The following ROBO1 variants were observed in gnomAD, a reference collection of about 807,000 sequenced individuals.
ROBO1 encodes the protein roundabout guidance receptor 1, also known as roundabout homolog 1.
In ROBO1, 149 loss-of-function variants were observed where a neutral mutation model predicts 195.9. The observed-to-expected ratio is 0.76, with a 90% CI of 0.67 to 0.87. The LOEUF (loss-of-function observed/expected upper bound fraction) is 0.87, where lower values mean the gene tolerates loss of function less well. Ranked by LOEUF, ROBO1 falls within the 40% of genes least tolerant of loss-of-function variation. The pLI is 0.00. For synonymous variants in ROBO1, 816 were observed against 733.2 expected (o/e 1.11, Z -1.82); for missense variants, 1,933 against 2,068.3 (o/e 0.93, Z 1.27).
At chr3:79,268,968 A>G (rs1403369849) in intron 2 of ROBO1, among the ~76,000 whole-genome samples, 1 of 151,754 alleles carries the variant, frequency 6.6e-6, no homozygotes, top group East Asian at 1.9e-4. Flanking sequence ...CCTTATCATT[A>G]TAGAATGAAT....
At chr3:79,062,159 AAAAC>A (rs1559631521) in intron 3 of ROBO1, among the ~76,000 whole-genome samples, 1 of 151,764 alleles carries the variant, frequency 6.6e-6, no homozygotes, top group African/African-American at 2.4e-5. Flanking sequence ...AACGAGAAAA[AAAAC>A]AAACCCATCA....
chr3:78,821,627 T>G (rs2108681268), intron 4 of ROBO1, among the ~76,000 whole-genome samples: 1 of 152,302 alleles, frequency 6.6e-6, no homozygotes, highest in African/African-American at 2.4e-5. Flanking sequence ...GTTTATAAAT[T>G]AATTGTCAAC....
At chr3:79,546,795 AC>A (rs1576002593) in intron 2 of ROBO1, among the ~76,000 whole-genome samples, 2 of 152,180 alleles carry the variant, frequency 1.3e-5, no homozygotes, top group East Asian at 3.9e-4. Context: ...ATAAATACTT[AC>A]CAAGGGCAGT....
chr3:78,932,459 C>A (rs558141122), intron 4 of ROBO1, among the ~76,000 whole-genome samples: 5 of 152,246 alleles, frequency 3.3e-5, no homozygotes, highest in Admixed American at 1.3e-4. Flanking sequence ...TCACCCTTAA[C>A]CCCAAGATTA....
chr3:78,911,539 T>C (rs1174056540), intron 4 of ROBO1, among the ~76,000 whole-genome samples: 1 of 152,016 alleles, frequency 6.6e-6, no homozygotes, highest in Non-Finnish European at 1.5e-5. Context: ...GTGCAATACT[T>C]GGACAGGAGA....
At chr3:79,627,940 T>G (rs1945227985) in intron 1 of ROBO1, among the ~76,000 whole-genome samples, 5 of 152,046 alleles carry the variant, frequency 3.3e-5, no homozygotes. Context: ...AAAACCACAG[T>G]GAGATACTGT....
chr3:79,259,568 AC>A (rs2082901393), intron 2 of ROBO1, among the ~76,000 whole-genome samples: 2 of 150,690 alleles, frequency 1.3e-5, no homozygotes, highest in South Asian at 4.2e-4. Context: ...AACCATCCCC[AC>A]CTCCCCCTAT....
intron 16 of ROBO1, 197 bp from the exon 17 acceptor site, chr3:78,660,004 TC>T (rs1305243595): frequency 5.9e-6 from 2 of 337,100 alleles, no homozygotes; most frequent in Non-Finnish European, 1.0e-5. Context: ...CACTGCAACC[TC>T]CCCCTCCCGG....
chr3:79,709,412 T>C lies in ROBO1; in HGVS notation c.-51+58340A>G, dbSNP rs1264894781. ...AGCTACATAATTATTTTAGCAACTA[T>C]GTGTACAAAGAATTTTCATATGGGT... On this transcript the variant is annotated intron_variant, in intron 1 of 30. Coordinates refer to ENST00000464233, the MANE Select transcript of ROBO1 (RefSeq NM_002941.4). Among the ~76,000 whole-genome samples the C allele has an allele frequency of 2.6e-5, 4 of 152,206 alleles. No individual in the cohort carries two copies. The East Asian group carries it at 5.8e-4, about 22-fold the overall frequency.
intron 22 of ROBO1, among the ~76,000 whole-genome samples, chr3:78,639,215 G>A (rs1705762050): frequency 6.6e-6 from 1 of 151,728 alleles, no homozygotes; most frequent in African/African-American, 2.4e-5. Flanking sequence ...CCAGCACTTT[G>A]GGAAGCCGAG....
chr3:79,568,508 A>ATT (rs377490411), intron 2 of ROBO1, among the ~76,000 whole-genome samples: 4 of 148,164 alleles, frequency 2.7e-5, no homozygotes, highest in Middle Eastern at 3.5e-3. Context: ...GATTGATTGA[A>ATT]TTTTTTTCTT....
intron 8 of ROBO1, among the ~76,000 whole-genome samples, chr3:78,699,700 C>T (rs1034760729): frequency 1.3e-5 from 2 of 151,930 alleles, no homozygotes; most frequent in African/African-American, 4.8e-5. Context: ...AAATTCTTAA[C>T]GTGGCCTTGC....
intron 2 of ROBO1, among the ~76,000 whole-genome samples, chr3:79,586,931 A>G (rs1943847779): frequency 6.6e-6 from 1 of 151,912 alleles, no homozygotes; most frequent in Non-Finnish European, 1.5e-5. Context: ...GATGAGGTAA[A>G]TTAACATGAA....
chr3:79,369,010 T>C (rs1577030146), intron 2 of ROBO1, among the ~76,000 whole-genome samples: 1 of 152,340 alleles, frequency 6.6e-6, no homozygotes, highest in East Asian at 1.9e-4. Flanking sequence ...GAAACACTTA[T>C]TGTGCATAAC....
At chr3:79,143,031 C>CA (rs2080560838) in intron 2 of ROBO1, among the ~76,000 whole-genome samples, 1 of 151,966 alleles carries the variant, frequency 6.6e-6, no homozygotes, top group Non-Finnish European at 1.5e-5. Flanking sequence ...ATACGGGAGT[C>CA]AGAAATGGCC....
chr3:78,969,842 G>A (rs915035775), intron 3 of ROBO1, among the ~76,000 whole-genome samples: 1 of 152,040 alleles, frequency 6.6e-6, no homozygotes, highest in Non-Finnish European at 1.5e-5. Flanking sequence ...AATAATTGAA[G>A]AACCTGGTTT....
At chr3:79,394,885 C>T (rs1559868432) in intron 2 of ROBO1, among the ~76,000 whole-genome samples, 1 of 152,120 alleles carries the variant, frequency 6.6e-6, no homozygotes, top group African/African-American at 2.4e-5. Flanking sequence ...TATACAAATT[C>T]TATTTTATTA....
chr3:79,716,479 T>C (rs1404681293), intron 1 of ROBO1, among the ~76,000 whole-genome samples: 1 of 151,956 alleles, frequency 6.6e-6, no homozygotes, highest in Non-Finnish European at 1.5e-5. Flanking sequence ...TTAATGGTGA[T>C]TTTTAACTAA....
chr3:78,860,302 C>CTATATATATATATATATATA (rs1200780060), intron 4 of ROBO1, among the ~76,000 whole-genome samples: 6 of 104,734 alleles, frequency 5.7e-5, no homozygotes, highest in East Asian at 2.7e-4. Context: ...TTGAAATATA[C>CTATATATATATATATATATA]TATATATATA....
Sources: allele counts gnomAD v4.1 joint callset (sites outside exome capture counted in the v4.1 genomes callset), GRCh38; gene constraint gnomAD v4.1.1; transcripts MANE v1.5; gene names NCBI Gene and HGNC (gene_info 2026-07-23, HGNC 2026-07-21).